SRGAP2: variants seen among roughly 807,000 people sequenced by gnomAD.
The protein encoded by SRGAP2 is SLIT-ROBO Rho GTPase-activating protein 2.
SRGAP2 carries 15 observed loss-of-function variants against 57.2 expected under a neutral mutation model. The observed-to-expected ratio is 0.26, with a 90% CI of 0.18 to 0.40. The LOEUF (loss-of-function observed/expected upper bound fraction) is 0.40, where lower values mean the gene tolerates loss of function less well. Ranked by LOEUF, SRGAP2 falls within the 10% of genes least tolerant of loss-of-function variation. The pLI, the probability that SRGAP2 is intolerant of heterozygous loss-of-function variation, is 1.00. For synonymous variants in SRGAP2, 249 were observed against 248.0 expected, an observed-to-expected ratio of 1.00 and a Z score of -0.04; for missense variants, 520 against 669.6, an observed-to-expected ratio of 0.78 and a Z score of 2.47.
At chr1:206,453,055 C>G in intron 19 of SRGAP2, 145 bp from the exon 20 acceptor site, 1 of 429,658 alleles carries the variant, frequency 2.3e-6, no homozygotes, top group South Asian at 6.5e-5. Flanking sequence ...GTGAGAATTA[C>G]TTGCTTTATA....
At chr1:206,298,983 TTCC>T (rs1671734893) in intron 2 of SRGAP2, among the ~76,000 whole-genome samples, 1 of 152,186 alleles carries the variant, frequency 6.6e-6, no homozygotes, top group East Asian at 1.9e-4. Flanking sequence ...GACCTGTCTT[TTCC>T]TCCTTTGTCA....
At chr1:206,446,361 A>C (rs1269603623) in intron 18 of SRGAP2, 62 bp downstream of exon 18, 4 of 766,334 alleles carry the variant, frequency 5.2e-6, no homozygotes, top group African/African-American at 3.4e-5. Context: ...CATGGGAGCC[A>C]GATGGCCACA....
chr1:206,419,192 T>G (rs1477373433), intron 11 of SRGAP2, among the ~76,000 whole-genome samples, 181 bp from the exon 12 acceptor site: 1 of 152,070 alleles, frequency 6.6e-6, no homozygotes, highest in Non-Finnish European at 1.5e-5. Context: ...TCTTGGTGCT[T>G]TCTTTTCTTT....
At chr1:206,391,642 TGCACACAC>T in intron 5 of SRGAP2, among the ~76,000 whole-genome samples, 1 of 132,636 alleles carries the variant, frequency 7.5e-6, no homozygotes, top group South Asian at 2.3e-4. Context: ...CACACACACA[TGCACACAC>T]ACACCCAACT....
intron 2 of SRGAP2, among the ~76,000 whole-genome samples, chr1:206,243,508 C>G (rs1668363020): frequency 6.6e-6 from 1 of 152,192 alleles, no homozygotes; most frequent in Non-Finnish European, 1.5e-5. Flanking sequence ...CTATGGCTGC[C>G]CCTATGCTAG....
At chr1:206,452,226 A>G (rs1282569000) in intron 19 of SRGAP2, among the ~76,000 whole-genome samples, 2 of 152,226 alleles carry the variant, frequency 1.3e-5, no homozygotes, top group Non-Finnish European at 2.9e-5. Flanking sequence ...AGAAGCCCAC[A>G]CAAAAATAAA....
intron 19 of SRGAP2, among the ~76,000 whole-genome samples, chr1:206,451,307 C>T (rs1463415211): frequency 2.0e-5 from 3 of 152,128 alleles, no homozygotes; most frequent in Middle Eastern, 3.4e-3. Flanking sequence ...GCGTGGTGGG[C>T]GTGCATCAAG....
intron 11 of SRGAP2, among the ~76,000 whole-genome samples, chr1:206,418,024 G>A (rs1481618886): frequency 6.6e-6 from 1 of 151,304 alleles, no homozygotes; most frequent in Non-Finnish European, 1.5e-5. Flanking sequence ...TGCACCAAAT[G>A]TGCTACTATG....
chr1:206,452,484 AATT>A (rs1663401966), intron 19 of SRGAP2, among the ~76,000 whole-genome samples: 2 of 152,212 alleles, frequency 1.3e-5, no homozygotes, highest in Admixed American at 1.3e-4. Flanking sequence ...CAATTACTGG[AATT>A]ATTATATAAT....
chr1:206,382,661 T>C (rs1553347357), intron 4 of SRGAP2, among the ~76,000 whole-genome samples: 1 of 152,158 alleles, frequency 6.6e-6, no homozygotes, highest in Admixed American at 6.5e-5. Flanking sequence ...ATAATAAACA[T>C]ACATTACTTT....
At chr1:206,306,297 G>A (rs1672191957) in intron 3 of SRGAP2, among the ~76,000 whole-genome samples, 2 of 152,014 alleles carry the variant, frequency 1.3e-5, no homozygotes, top group African/African-American at 4.8e-5. Context: ...TCCTTCTGGT[G>A]GGTTCGTGGT....
At chr1:206,441,354 A>T (rs181431035) in intron 17 of SRGAP2, among the ~76,000 whole-genome samples, 67 of 152,286 alleles carry the variant, frequency 4.4e-4, no homozygotes, top group Non-Finnish European at 9.1e-4. Flanking sequence ...GGATGTGTCT[A>T]CAACAAAGGT....
intron 2 of SRGAP2, among the ~76,000 whole-genome samples, chr1:206,281,982 G>C (rs1466338050): frequency 6.8e-6 from 1 of 146,878 alleles, no homozygotes; most frequent in Non-Finnish European, 1.5e-5. Flanking sequence ...CATTCTCATT[G>C]ATTTTTAAAA....
intron 22 of SRGAP2, among the ~76,000 whole-genome samples, chr1:206,459,566 G>A (rs2103420925): frequency 6.6e-6 from 1 of 151,892 alleles, no homozygotes; most frequent in South Asian, 2.1e-4. Flanking sequence ...ATGACTCTCT[G>A]TTTTCCATGA....
At chr1:206,372,951 CT>C (rs1654721740) in intron 4 of SRGAP2, among the ~76,000 whole-genome samples, 1 of 11,356 alleles carries the variant, frequency 8.8e-5, no homozygotes, top group Non-Finnish European at 1.5e-4. Flanking sequence ...TTCTTTCTTT[CT>C]TTCTTTTCTT....
At chr1:206,327,064 C>T (rs1673957014) in intron 3 of SRGAP2, among the ~76,000 whole-genome samples, 1 of 152,126 alleles carries the variant, frequency 6.6e-6, no homozygotes, top group Non-Finnish European at 1.5e-5. Context: ...CGGTGGTTCA[C>T]ACCTGTAATC....
At chr1:206,448,385 C>G (rs1553374637) in intron 18 of SRGAP2, among the ~76,000 whole-genome samples, 1 of 152,088 alleles carries the variant, frequency 6.6e-6, no homozygotes, top group African/African-American at 2.4e-5. Flanking sequence ...CTCCTGAGAC[C>G]TCAGGTATTT....
intron 5 of SRGAP2, among the ~76,000 whole-genome samples, chr1:206,391,565 ATAT>A (rs1455109816): frequency 7.0e-6 from 1 of 143,674 alleles, no homozygotes; most frequent in Non-Finnish European, 1.5e-5. Context: ...TAAGTGGTAG[ATAT>A]TAATAATAAT....
At chr1:206,444,143 T>C (rs1662546523) in intron 17 of SRGAP2, among the ~76,000 whole-genome samples, 1 of 151,678 alleles carries the variant, frequency 6.6e-6, no homozygotes, top group Admixed American at 6.6e-5. Context: ...TGAGCCAAGA[T>C]TGTACCACTG....
Sources: allele counts gnomAD v4.1 joint callset (sites outside exome capture counted in the v4.1 genomes callset), GRCh38; gene constraint gnomAD v4.1.1; transcripts MANE v1.5; gene names NCBI Gene and HGNC (gene_info 2026-07-23, HGNC 2026-07-21).